The following BCAS3 variants were observed in gnomAD, a reference collection of about 807,000 sequenced individuals.
BCAS3 encodes BCAS3 microtubule associated cell migration factor.
In BCAS3, 53 loss-of-function variants were observed where a neutral mutation model predicts 116.1. That is an observed-to-expected ratio of 0.46 (90% CI 0.37 to 0.57). The LOEUF (loss-of-function observed/expected upper bound fraction) is 0.57. Ranked by LOEUF, BCAS3 falls within the 20% of genes least tolerant of loss-of-function variation. The pLI is 0.00. For missense variants in BCAS3, 917 were observed against 1,165.4 expected (o/e 0.79, Z 3.10); for synonymous variants, 391 against 408.2 (o/e 0.96, Z 0.51).
In BCAS3 at chr17:61,144,101, G is replaced by A. The variant is rs1463218819; in HGVS notation, c.2425+59537G>A. On this transcript the variant is annotated intron_variant, in intron 22 of 23. Coordinates refer to ENST00000407086, the MANE Select transcript of BCAS3 (RefSeq NM_017679.5). This position sits in a 1 kb window ranked among gnomAD's most constrained non-coding sequence, Gnocchi z 5.0. The stretch of plus-strand genomic sequence containing the variant: ...TAAGTTTTTGTTCATTTCATAGGAG[G>A]ACAGTTGACTCCTTTCTACTCTTTT... 6.6e-6 allele frequency among the ~76,000 whole-genome samples: 1 copy of A among 152,174 alleles called. No homozygotes were observed. Among genetic ancestry groups the A allele is most frequent in the Non-Finnish European group, 1.5e-5 (1 of 68,036 alleles).
At chr17:60,903,981 A>G (rs2058058886) in intron 11 of BCAS3, among the ~76,000 whole-genome samples, 1 of 152,138 alleles carries the variant, frequency 6.6e-6, no homozygotes, top group African/African-American at 2.4e-5. Flanking sequence ...TTAGTTATGG[A>G]ATGGAGGATA....
chr17:60,680,134 C>CAAA (rs11442352), intron 2 of BCAS3, among the ~76,000 whole-genome samples: 26 of 108,314 alleles, frequency 2.4e-4, no homozygotes, highest in East Asian at 1.5e-3. Context: ...ACTCTGTCTC[C>CAAA]AAAAAAAAAA....
chr17:61,226,714 A>C lies in BCAS3; in HGVS notation c.2426-141613A>C, dbSNP rs2082389280. ...AAAGCTGAGAACCTTATCTCTTAGA[A>C]ACCTTTAATTGACTACCTAATATGT... On this transcript the variant is annotated intron_variant, in intron 22 of 23. Transcript: ENST00000407086. The surrounding 1 kb of genome is among the most constrained non-coding windows in gnomAD (Gnocchi z 6.0). Among the ~76,000 whole-genome samples, 1 of 152,216 alleles carries C rather than the reference A, an allele frequency of 6.6e-6. No homozygotes were observed. Among genetic ancestry groups the C allele is most frequent in the Admixed American group, 6.5e-5 (1 of 15,282 alleles).
At chr17:61,005,093 A>G (rs1417120203) in intron 15 of BCAS3, among the ~76,000 whole-genome samples, 1 of 152,126 alleles carries the variant, frequency 6.6e-6, no homozygotes, top group African/African-American at 2.4e-5. Context: ...CAGGGAAAGA[A>G]GAGTCATTAT....
At chr17:60,718,934 T>C (rs137912897) in intron 5 of BCAS3, among the ~76,000 whole-genome samples, 4,725 of 151,972 alleles carry the variant, frequency 0.031, 237 homozygotes, top group African/African-American at 0.1. Context: ...TGGTGACAGG[T>C]GCCTGTAGTC....
intron 14 of BCAS3, among the ~76,000 whole-genome samples, chr17:60,965,948 T>G (rs2145326289): frequency 6.6e-6 from 1 of 152,352 alleles, no homozygotes; most frequent in East Asian, 1.9e-4. Flanking sequence ...CTCCTTCTTT[T>G]ATTGTATTGC....
intron 22 of BCAS3, among the ~76,000 whole-genome samples, chr17:61,101,149 T>A (rs1038016753): frequency 2.0e-5 from 3 of 152,108 alleles, no homozygotes; most frequent in African/African-American, 7.2e-5. Flanking sequence ...GCACCTCTAT[T>A]TTAAAAGACC....
chr17:61,371,808 GC>G (rs2059062353), intron 23 of BCAS3, among the ~76,000 whole-genome samples: 1 of 152,214 alleles, frequency 6.6e-6, no homozygotes, highest in Non-Finnish European at 1.5e-5. Flanking sequence ...GCCATGCCCA[GC>G]CCTGCTCAGC....
At chr17:60,852,320 C>T (rs1419799529) in intron 7 of BCAS3, among the ~76,000 whole-genome samples, 4 of 152,056 alleles carry the variant, frequency 2.6e-5, no homozygotes, top group African/African-American at 7.2e-5. Flanking sequence ...TCTGTAACAT[C>T]GTTGGTTGTG....
At chr17:60,846,502 GTCTT>G (rs1464845979) in intron 7 of BCAS3, among the ~76,000 whole-genome samples, 2 of 152,084 alleles carry the variant, frequency 1.3e-5, no homozygotes, top group Non-Finnish European at 2.9e-5. Context: ...TTTTTGTCTA[GTCTT>G]TCTATCAGTT....
chr17:60,771,211 A>G (rs551436623), intron 6 of BCAS3, among the ~76,000 whole-genome samples: 52 of 152,282 alleles, frequency 3.4e-4, no homozygotes, highest in African/African-American at 1.2e-3. Context: ...ACCACATCAC[A>G]TGATGTAAAA....
chr17:60,708,298 C>G (rs1323370002), intron 4 of BCAS3, among the ~76,000 whole-genome samples: 1 of 144,990 alleles, frequency 6.9e-6, no homozygotes, highest in Non-Finnish European at 1.5e-5. Context: ...GTACTCCAGC[C>G]TGGATGAAGG....
At chr17:61,277,108 A>G (rs2050824548) in intron 22 of BCAS3, among the ~76,000 whole-genome samples, 1 of 151,796 alleles carries the variant, frequency 6.6e-6, no homozygotes, top group Admixed American at 6.6e-5. Flanking sequence ...TATAGGAAAA[A>G]AAAAATTTAG....
Position 61,337,989 on chromosome 17 carries a change from G to A in BCAS3, c.2426-30338G>A, listed in dbSNP as rs1014985848. On this transcript the variant is annotated intron_variant, in intron 22 of 23. Transcript: ENST00000407086. This position sits in a 1 kb window ranked among gnomAD's most constrained non-coding sequence, Gnocchi z 4.8. ...TGGGTTCTGACTTAGGAACTGCAGC[G>A]TCCCTTCTGTGTTGTGAGCAACTCA... Among the ~76,000 whole-genome samples the A allele has an allele frequency of 3.3e-5, 5 of 152,182 alleles. No individual in the cohort carries two copies. Among genetic ancestry groups the A allele is most frequent in the African/African-American group, 4.8e-5 (2 of 41,432 alleles).
intron 23 of BCAS3, among the ~76,000 whole-genome samples, chr17:61,374,521 C>T (rs990662148): frequency 5.3e-5 from 8 of 152,200 alleles, no homozygotes; most frequent in Non-Finnish European, 1.2e-4. Flanking sequence ...GTCCGGGAGA[C>T]TGTCTGTTCC....
intron 6 of BCAS3, among the ~76,000 whole-genome samples, chr17:60,757,810 A>C (rs1178188597): frequency 6.6e-6 from 1 of 152,070 alleles, no homozygotes; most frequent in Non-Finnish European, 1.5e-5. Flanking sequence ...TGTGCTTTTG[A>C]GGTCTTAGTC....
chr17:61,235,295 A>G lies in BCAS3; in HGVS notation c.2426-133032A>G, dbSNP rs1329114893. ...GGACCGGATAAGTGTAGTTTCCAGA[A>G]TCCTTCTTGGCTAGTTATAGTCTAA... On this transcript the variant is annotated intron_variant, in intron 22 of 23. Coordinates refer to ENST00000407086, the MANE Select transcript of BCAS3 (RefSeq NM_017679.5). The surrounding 1 kb of genome is among the most constrained non-coding windows in gnomAD (Gnocchi z 5.0). Among the ~76,000 whole-genome samples, 2 of 152,196 alleles carry G rather than the reference A, an allele frequency of 1.3e-5. No homozygotes were observed. The highest frequency in any genetic ancestry group is 2.9e-5 in the Non-Finnish European group (2 of 68,030).
intron 20 of BCAS3, among the ~76,000 whole-genome samples, chr17:61,076,890 A>G (rs1372207914): frequency 6.6e-6 from 1 of 152,194 alleles, no homozygotes; most frequent in African/African-American, 2.4e-5. Context: ...TATTGTTCCA[A>G]AGACCATGAT....
intron 22 of BCAS3, among the ~76,000 whole-genome samples, chr17:61,301,579 A>G (rs1227339066): frequency 6.6e-6 from 1 of 152,086 alleles, no homozygotes; most frequent in African/African-American, 2.4e-5. Context: ...GGAGGTTGCA[A>G]TGAGCCGAGA....
Sources: gnomAD v4.1 joint callset for allele counts (sites outside exome capture counted in the v4.1 genomes callset) on GRCh38, gnomAD v4.1.1 for gene constraint, Gnocchi (gnomAD v3.1) non-coding constraint, MANE v1.5 for transcripts, NCBI Gene and HGNC (gene_info 2026-07-23, HGNC 2026-07-21) for gene names.